The following NOSTRIN variants were observed in gnomAD, a reference collection of about 807,000 sequenced individuals.
NOSTRIN encodes the protein nitric oxide synthase trafficking, also known as BM247 homolog.
A neutral mutation model predicts 59.0 loss-of-function variants in NOSTRIN; 63 were observed. The ratio of observed to expected loss-of-function variants is 1.07; its 90% CI spans 0.87 to 1.32. The LOEUF (loss-of-function observed/expected upper bound fraction) is 1.32, where lower values mean the gene tolerates loss of function less well. Among genes scored for constraint, NOSTRIN ranks in the 40% most tolerant of loss-of-function variants. The pLI, the probability that NOSTRIN is intolerant of heterozygous loss-of-function variation, is 0.00. For synonymous variants in NOSTRIN, 200 were observed against 165.4 expected (o/e 1.21, Z -1.61); for missense variants, 512 against 473.1 (o/e 1.08, Z -0.76).
At chr2:168,856,655 G>C (rs1167448759) in intron 11 of NOSTRIN, 35 bp from the exon 12 acceptor site, 2 of 1,592,478 alleles carry the variant, frequency 1.3e-6, no homozygotes, top group Non-Finnish European at 1.7e-6. Context: ...CTGAGACAGT[G>C]TGAAAGGTGA....
At chr2:168,787,782 G>C (rs1574243247) in intron 1 of NOSTRIN, 1 of 152,150 alleles carries the variant, frequency 6.6e-6, no homozygotes, top group Non-Finnish European at 1.5e-5. Flanking sequence ...CTTTCATGTG[G>C]ACATGTCTAA....
chr2:168,807,025 T>C (rs1685885828), intron 1 of NOSTRIN, among the ~76,000 whole-genome samples: 1 of 152,228 alleles, frequency 6.6e-6, no homozygotes, highest in Non-Finnish European at 1.5e-5. Flanking sequence ...TACCTAACAT[T>C]TCTAATCACA....
At chr2:168,827,445 T>C (rs1340478947) in intron 3 of NOSTRIN, among the ~76,000 whole-genome samples, 1 of 152,230 alleles carries the variant, frequency 6.6e-6, no homozygotes, top group African/African-American at 2.4e-5. Flanking sequence ...TCTCAAGCCC[T>C]TTATCACTTA....
intron 8 of NOSTRIN, among the ~76,000 whole-genome samples, chr2:168,844,226 G>A (rs1688266147): frequency 6.6e-6 from 1 of 152,068 alleles, no homozygotes; most frequent in African/African-American, 2.4e-5. Context: ...GCCCATGGTG[G>A]GAATACAACA....
intron 2 of NOSTRIN, 166 bp downstream of exon 2, chr2:168,811,818 A>G: frequency 2.2e-6 from 1 of 459,202 alleles, no homozygotes; most frequent in East Asian, 3.8e-5. Context: ...ACATTTATCA[A>G]CTGGATGCCA....
chr2:168,810,135 G>A (rs1037168161), intron 1 of NOSTRIN, among the ~76,000 whole-genome samples: 3 of 152,064 alleles, frequency 2.0e-5, no homozygotes, highest in African/African-American at 7.2e-5. Flanking sequence ...CACTCATTCA[G>A]GTGCCTGACT....
intron 6 of NOSTRIN, among the ~76,000 whole-genome samples, chr2:168,832,732 T>C (rs1217845786): frequency 1.3e-5 from 2 of 152,240 alleles, no homozygotes; most frequent in African/African-American, 4.8e-5. Flanking sequence ...TCCAGTCATT[T>C]GCTTTTTAGT....
At chr2:168,838,503 A>G (rs946675467) in intron 7 of NOSTRIN, among the ~76,000 whole-genome samples, 2 of 151,966 alleles carry the variant, frequency 1.3e-5, no homozygotes, top group Non-Finnish European at 2.9e-5. Flanking sequence ...GCCTCCCAAA[A>G]TACTGGGATT....
chr2:168,861,710 A>AGACTT (rs1689462332), intron 14 of NOSTRIN, among the ~76,000 whole-genome samples: 1 of 152,196 alleles, frequency 6.6e-6, no homozygotes, highest in African/African-American at 2.4e-5. Flanking sequence ...GTTTTTCTCT[A>AGACTT]GACTTGCTAT....
intron 3 of NOSTRIN, 98 bp from the exon 4 acceptor site, chr2:168,828,060 T>A: frequency 1.3e-6 from 1 of 787,270 alleles, no homozygotes; most frequent in Non-Finnish European, 2.3e-6. Flanking sequence ...AATTGTTGAA[T>A]GTGGTGAATC....
rs1489151689 is a variant in NOSTRIN at position 168,862,031 on chromosome 2, G to A, written c.1366G>A (p.Glu456Lys). 1.2e-6 allele frequency: 2 copies of A among 1,614,156 alleles called. No individual in the cohort carries two copies. The highest frequency in any genetic ancestry group is 2.2e-5 in the South Asian group (2 of 91,086). The change falls in exon 15 of 16, where the codon GAG becomes AAG. Residue 456 changes from glutamate to lysine, a missense_variant. Glu to Lys is a moderately conservative substitution (Grantham distance 56). Transcript: ENST00000317647. ...TTCTTTTCAAGCCAGGCAAGATGAT[G>A]AGTTGAATTTGGAAAAGGGTAAGAA... ...LYSFQARQDD[E>K]LNLEKGDIVI...
At chr2:168,829,714 G>T (rs1271848253) in intron 5 of NOSTRIN, among the ~76,000 whole-genome samples, 3 of 152,156 alleles carry the variant, frequency 2.0e-5, no homozygotes, top group Non-Finnish European at 1.5e-5. Flanking sequence ...ACATAATTGG[G>T]TGTTTAATAA....
At chr2:168,863,643 T>A (rs1271994052) in intron 15 of NOSTRIN, 3 of 969,514 alleles carry the variant, frequency 3.1e-6, no homozygotes, top group South Asian at 9.9e-5. Flanking sequence ...ACATTTTGAA[T>A]GGGGAGTTAC....
In NOSTRIN at chr2:168,862,124, T is replaced by G. The variant is rs920817849; in HGVS notation, c.1384+75T>G. On this transcript the variant is annotated intron_variant, in intron 15 of 15. Transcript: ENST00000317647. ...TAGCATGAATAAAACCCTGTCTTAG[T>G]GTGGCAGCCTTAAGAGTTACTACCA... is the stretch of plus-strand genomic sequence containing the variant. 6 of 1,328,234 alleles carry G rather than the reference T, an allele frequency of 4.5e-6. No homozygotes were observed. The African/African-American group carries it at 8.6e-5, about 19-fold the overall frequency. The allele number at this position is 1,328,234 out of a possible 1,614,324, so 82.3% of individuals were successfully genotyped here. A position where few individuals can be genotyped will look rare whatever the true frequency, so the allele number is the denominator to read the frequency against.
At chr2:168,825,616 T>C (rs779444549) in intron 3 of NOSTRIN, among the ~76,000 whole-genome samples, 8 of 152,172 alleles carry the variant, frequency 5.3e-5, no homozygotes, top group Non-Finnish European at 1.0e-4. Context: ...AGGTATTGGT[T>C]CACATTCTTT....
chr2:168,821,699 G>T (rs1227934118), intron 2 of NOSTRIN, among the ~76,000 whole-genome samples: 1 of 152,256 alleles, frequency 6.6e-6, no homozygotes, highest in Non-Finnish European at 1.5e-5. Context: ...AGCAGCTCCT[G>T]TTGGGGATGA....
chr2:168,788,934 G>GATAA, intron 2 of NOSTRIN, among the ~76,000 whole-genome samples: 1 of 146,996 alleles, frequency 6.8e-6, no homozygotes, highest in Non-Finnish European at 1.5e-5. Context: ...TAGATAGATA[G>GATAA]ATGATAGATA....
At chr2:168,860,752 A>G in intron 13 of NOSTRIN, 43 bp from the exon 14 acceptor site, 1 of 1,181,262 alleles carries the variant, frequency 8.5e-7, no homozygotes, top group South Asian at 1.3e-5. Context: ...AATGTTTATG[A>G]TAATCGTGTT....
upstream of NOSTRIN, among the ~76,000 whole-genome samples, chr2:168,793,616 A>G (rs998222200): frequency 1.3e-5 from 2 of 152,324 alleles, no homozygotes; most frequent in African/African-American, 4.8e-5. Context: ...GTCTCAAAAA[A>G]GAAAACAAAA....
Sources: allele counts gnomAD v4.1 joint callset (sites outside exome capture counted in the v4.1 genomes callset), GRCh38; gene constraint gnomAD v4.1.1; transcripts MANE v1.5; gene names NCBI Gene and HGNC (gene_info 2026-07-23, HGNC 2026-07-21).